EDA: variants seen among roughly 807,000 people sequenced by gnomAD.
The protein encoded by EDA is ectodysplasin-A.
EDA carries 2 observed loss-of-function variants against 23.6 expected under a neutral mutation model. That is an observed-to-expected ratio of 0.08 (90% CI 0.03 to 0.27). EDA has a LOEUF of 0.27. EDA is among the 10% of genes least tolerant of loss of function. The pLI, the probability that EDA is intolerant of heterozygous loss-of-function variation, is 1.00. For missense variants in EDA, 229 were observed against 324.2 expected, an observed-to-expected ratio of 0.71 and a Z score of 2.26; for synonymous variants, 131 against 132.0, an observed-to-expected ratio of 0.99 and a Z score of 0.05.
At chrX:69,829,945 T>A (rs2016565279) in intron 1 of EDA, among the ~76,000 whole-genome samples, 1 of 112,118 alleles carries the variant, frequency 8.9e-6, no homozygotes. Flanking sequence ...GCAATGACCC[T>A]GTGTTATAGT....
chrX:70,012,729 G>A (rs1387011151), intron 2 of EDA, among the ~76,000 whole-genome samples: 4 of 112,456 alleles, frequency 3.6e-5, no homozygotes, highest in Non-Finnish European at 7.5e-5. Context: ...TGTGAGCCCC[G>A]AGCCCAGCAA....
At chrX:69,831,303 G>A (rs775645188) in intron 1 of EDA, among the ~76,000 whole-genome samples, 7 of 111,803 alleles carry the variant, frequency 6.3e-5, no homozygotes, top group East Asian at 5.7e-4. Flanking sequence ...GAGAAGATGC[G>A]GTGTTTGGAT....
At chrX:69,889,205 T>G (rs1292985127) in intron 1 of EDA, among the ~76,000 whole-genome samples, 1 of 106,226 alleles carries the variant, frequency 9.4e-6, no homozygotes, top group African/African-American at 3.4e-5. Context: ...TGAAGTGCAG[T>G]GGTGCAATCA....
chrX:69,933,051 T>C (rs1170584110), intron 1 of EDA, among the ~76,000 whole-genome samples: 1 of 110,980 alleles, frequency 9.0e-6, no homozygotes, highest in Non-Finnish European at 1.9e-5. Context: ...GGCCATTAGT[T>C]CCCTTTATCT....
intron 1 of EDA, among the ~76,000 whole-genome samples, chrX:69,889,405 C>T (rs773727071): frequency 9.0e-6 from 1 of 111,068 alleles, no homozygotes; most frequent in Admixed American, 9.6e-5. Context: ...CTGCCTTGGC[C>T]CCCCAAAGTG....
intron 1 of EDA, among the ~76,000 whole-genome samples, chrX:69,834,395 G>T (rs2016710137): frequency 9.0e-6 from 1 of 111,219 alleles, no homozygotes; most frequent in Non-Finnish European, 1.9e-5. Context: ...CTCCTGTATT[G>T]GGTGCATATA....
chrX:69,662,040 C>A, intron 1 of EDA, among the ~76,000 whole-genome samples: 1 of 111,071 alleles, frequency 9.0e-6, no homozygotes, highest in African/African-American at 3.3e-5. Flanking sequence ...TACATATACT[C>A]CTCATGTTGT....
chrX:69,811,822 T>C (rs1461431182), intron 1 of EDA, among the ~76,000 whole-genome samples: 1 of 111,830 alleles, frequency 8.9e-6, no homozygotes, highest in African/African-American at 3.2e-5. Flanking sequence ...TGGTTTTTAT[T>C]GTGGTTAGGT....
At chrX:69,957,438 C>A in intron 2 of EDA, 2 of 223,068 alleles carry the variant, frequency 9.0e-6, no homozygotes, top group East Asian at 1.1e-4. Flanking sequence ...GAGACTGTGC[C>A]ACTGCACTCC....
intron 1 of EDA, among the ~76,000 whole-genome samples, chrX:69,800,356 T>C (rs1287996434): frequency 2.7e-5 from 3 of 111,707 alleles, no homozygotes; most frequent in African/African-American, 9.8e-5. Context: ...CAACGTGTTA[T>C]ATTTTTCAAA....
At chrX:69,833,223 T>A (rs1192995922) in intron 1 of EDA, among the ~76,000 whole-genome samples, 1 of 111,944 alleles carries the variant, frequency 8.9e-6, no homozygotes, top group African/African-American at 3.3e-5. Context: ...CATCAATACC[T>A]AATTTATTGA....
chrX:70,021,235 T>A (rs2147501123), intron 2 of EDA, among the ~76,000 whole-genome samples: 1 of 112,057 alleles, frequency 8.9e-6, no homozygotes, highest in African/African-American at 3.2e-5. Flanking sequence ...TCCATACACA[T>A]ACTCTGTAAG....
chrX:70,018,228 A>G (rs2019979182), intron 2 of EDA, among the ~76,000 whole-genome samples: 1 of 112,460 alleles, frequency 8.9e-6, no homozygotes, highest in Non-Finnish European at 1.9e-5. Flanking sequence ...AAAACATTCC[A>G]TGTTTATGCG....
chrX:69,855,665 T>C (rs2017231068), intron 1 of EDA, among the ~76,000 whole-genome samples: 1 of 111,436 alleles, frequency 9.0e-6, no homozygotes, highest in Non-Finnish European at 1.9e-5. Flanking sequence ...TTCTGTTCCA[T>C]TGGTCTACAT....
chrX:69,813,028 G>T (rs1164199729), intron 1 of EDA, among the ~76,000 whole-genome samples: 2 of 111,523 alleles, frequency 1.8e-5, no homozygotes, highest in Non-Finnish European at 3.8e-5. Flanking sequence ...CTGGCAGACT[G>T]CTAATACTAT....
intron 1 of EDA, among the ~76,000 whole-genome samples, chrX:69,942,267 A>G (rs1457986814): frequency 9.0e-6 from 1 of 111,285 alleles, no homozygotes; most frequent in Non-Finnish European, 1.9e-5. Context: ...TTTCCTGTAT[A>G]CTTACTATTA....
chrX:69,810,737 CAA>C (rs1448941496), intron 1 of EDA, among the ~76,000 whole-genome samples: 1 of 88,211 alleles, frequency 1.1e-5, no homozygotes, highest in African/African-American at 4.6e-5. Context: ...GCCTGGGCAA[CAA>C]GAGCGAGACT....
chrX:69,999,868 A>G (rs2019717023), intron 2 of EDA, among the ~76,000 whole-genome samples: 1 of 111,238 alleles, frequency 9.0e-6, no homozygotes, highest in Admixed American at 9.6e-5. Context: ...AAATCAAACC[A>G]TGCAATATAT....
chrX:69,959,781 A>G lies in EDA; in HGVS notation c.502+2649A>G, dbSNP rs1437492559. The stretch of plus-strand genomic sequence containing the variant: ...AGAGAGAGTGATGGGGTATGCTGTA[A>G]GATGATCAAGGAAGGTACTCTGATA... On this transcript the variant is annotated intron_variant, in intron 2 of 7. Transcript: ENST00000374552. Among the ~76,000 whole-genome samples the G allele has an allele frequency of 5.3e-5, 3 of 56,574 alleles. No individual in the cohort carries two copies. The Admixed American group carries it at 6.1e-4, about 11-fold the overall frequency. 49.1% of individuals were successfully genotyped at this position (56,574 alleles called of 115,157 possible).
Sources: gnomAD v4.1 joint callset for allele counts (sites outside exome capture counted in the v4.1 genomes callset) on GRCh38, gnomAD v4.1.1 for gene constraint, MANE v1.5 for transcripts, NCBI Gene and HGNC (gene_info 2026-07-23, HGNC 2026-07-21) for gene names.